Variants in CHFR observed in about 807,000 individuals in gnomAD.
CHFR encodes the protein E3 ubiquitin-protein ligase CHFR.
Under a neutral mutation model 87.6 loss-of-function variants are expected in CHFR, and 57 were observed. That is an observed-to-expected ratio of 0.65 (90% CI 0.53 to 0.81). The LOEUF (loss-of-function observed/expected upper bound fraction) is 0.81. Among genes scored for constraint, CHFR ranks in the 30% least tolerant of loss-of-function variants. CHFR has a pLI of 0.00. For missense variants in CHFR, 797 were observed against 865.8 expected (o/e 0.92, Z 1.00); for synonymous variants, 381 against 359.2 (o/e 1.06, Z -0.69).
chr12:132,847,955 T>A, intron 14 of CHFR, 130 bp downstream of exon 14: 2 of 1,522,426 alleles, frequency 1.3e-6, no homozygotes, highest in Non-Finnish European at 1.8e-6. Flanking sequence ...TGAGGAAACA[T>A]GGCTCCCGGC....
chr12:132,841,979 G>C (rs957019072), intron 17 of CHFR, among the ~76,000 whole-genome samples: 2 of 151,894 alleles, frequency 1.3e-5, no homozygotes, highest in African/African-American at 4.8e-5. Flanking sequence ...ATGTGGTGGC[G>C]AGCACCTGTA....
At chr12:132,855,532 T>C (rs1017132757) in intron 10 of CHFR, among the ~76,000 whole-genome samples, 8 of 151,964 alleles carry the variant, frequency 5.3e-5, no homozygotes, top group African/African-American at 9.7e-5. Context: ...CTGGGTGTGG[T>C]GGCATGCGCC....
At chr12:132,855,731 C>T (rs1022605289) in intron 10 of CHFR, among the ~76,000 whole-genome samples, 3 of 152,096 alleles carry the variant, frequency 2.0e-5, no homozygotes, top group Non-Finnish European at 2.9e-5. Context: ...TTATGACACA[C>T]GTATGAATGG....
At chr12:132,873,345 C>A (rs921987854) in intron 3 of CHFR, among the ~76,000 whole-genome samples, 3 of 152,212 alleles carry the variant, frequency 2.0e-5, no homozygotes, top group African/African-American at 7.2e-5. Context: ...TGAACTGCCA[C>A]AGCCGTCTCC....
chr12:132,835,730 A>G lies in CHFR; in HGVS notation c.*5824T>C. 3.9e-6 allele frequency: 1 copy of G among 254,298 alleles called. No individual in the cohort carries two copies. Among genetic ancestry groups the G allele is most frequent in the Non-Finnish European group, 7.8e-6 (1 of 127,854 alleles). 15.8% of individuals were successfully genotyped at this position (254,298 alleles called of 1,614,324 possible). ...AAGCCGCCTGTTCTGCGGCGTTTTG[A>G]TCCAGCGGCCCAAGTGGACCCACAT... On this transcript the variant is annotated 3_prime_UTR_variant, in exon 18 of 18. Coordinates refer to ENST00000450056, the MANE Select transcript of CHFR (RefSeq NM_001161346.2).
At chr12:132,844,520 G>C (rs1405504953) in intron 15 of CHFR, among the ~76,000 whole-genome samples, 1 of 117,318 alleles carries the variant, frequency 8.5e-6, no homozygotes, top group South Asian at 2.5e-4. Flanking sequence ...TCCTGACCTC[G>C]TGATCCACCC....
chr12:132,854,330 A>G (rs1022760138), intron 10 of CHFR: 3 of 152,222 alleles, frequency 2.0e-5, no homozygotes, highest in Non-Finnish European at 2.9e-5. Context: ...CGGTGTCTGG[A>G]TAACAAACTT....
At chr12:132,881,101 G>A (rs1005692534) in intron 2 of CHFR, among the ~76,000 whole-genome samples, 6 of 151,736 alleles carry the variant, frequency 4.0e-5, no homozygotes, top group African/African-American at 1.2e-4. Flanking sequence ...ACCCCATCTC[G>A]ACTAAAAATA....
chr12:132,843,156 G>A lies in CHFR; in HGVS notation c.1844-73C>T, dbSNP rs1008432933. 3 of 1,366,214 alleles carry A rather than the reference G, an allele frequency of 2.2e-6. No individual in the cohort carries two copies. In the East Asian group the frequency reaches 7.1e-5, roughly 32 times the overall value. The allele number at this position is 1,366,214 out of a possible 1,614,324, so 84.6% of individuals were successfully genotyped here. On this transcript the variant is annotated intron_variant, in intron 16 of 17. Transcript: ENST00000450056. ...CCACTCAGCTACCTGAATCCCAGCAGAGACCCAACGACAGACGCTGCGGTG... is the reference window on the plus strand; with the variant it reads ...CCACTCAGCTACCTGAATCCCAGCAAAGACCCAACGACAGACGCTGCGGTG...
intron 2 of CHFR, among the ~76,000 whole-genome samples, chr12:132,877,995 G>T (rs1490595559): frequency 1.3e-5 from 2 of 151,962 alleles, no homozygotes; most frequent in Admixed American, 6.6e-5. Context: ...GTAGAGACGG[G>T]GTTTCACCAT....
rs1950757365 is a variant in CHFR at position 132,844,073 on chromosome 12, C to T, written c.1797G>A (p.Glu599=). 2 of 1,613,850 alleles carry T rather than the reference C, an allele frequency of 1.2e-6. No individual in the cohort carries two copies. Among genetic ancestry groups the T allele is most frequent in the East Asian group, 2.2e-5 (1 of 44,896 alleles). ...CYCCGLRSFR[E]LTYQYRQNIP... ...TGTTCTGCCGATACTGATAGGTCAG[C>T]TCACGGAAGCTGCGCAGGCCACAGC... Residue 599 remains glutamate (E), a synonymous_variant, in exon 16 of 18, where the codon GAG becomes GAA. Transcript: ENST00000450056.
At chr12:132,861,696 G>T in intron 6 of CHFR, 62 bp from the exon 7 acceptor site, 1 of 1,503,610 alleles carries the variant, frequency 6.7e-7, no homozygotes. Context: ...AACCATGCCT[G>T]TAAGGTGTCA....
chr12:132,884,393 C>T (rs1233009519), intron 2 of CHFR, among the ~76,000 whole-genome samples: 2 of 138,618 alleles, frequency 1.4e-5, no homozygotes, highest in African/African-American at 5.2e-5. Context: ...ACAGCCTGGG[C>T]AATAAGAGCA....
At chr12:132,871,633 G>A (rs776920849) in intron 4 of CHFR, among the ~76,000 whole-genome samples, 1 of 151,832 alleles carries the variant, frequency 6.6e-6, no homozygotes, top group African/African-American at 2.4e-5. Context: ...TGAGCCGGGC[G>A]TGGTGGTGGG....
chr12:132,854,955 T>C (rs578088365), intron 10 of CHFR: 1 of 151,434 alleles, frequency 6.6e-6, no homozygotes, highest in East Asian at 2.0e-4. Flanking sequence ...AAATACAAAA[T>C]TAGCGGCCGG....
In CHFR at chr12:132,847,035, G is replaced by C; in HGVS notation, c.1735+8C>G. The C allele has an allele frequency of 1.2e-6, 2 of 1,606,930 alleles. No homozygotes were observed. Among genetic ancestry groups the C allele is most frequent in the Non-Finnish European group, 1.7e-6 (2 of 1,173,930 alleles). ...CGCCTTAGAGCAGGAGGCAACAGAA[G>C]AACTCACCAGACAGCAGAAACACTC... On this transcript the variant is annotated splice_region_variant and intron_variant, in intron 15 of 17. Coordinates refer to ENST00000450056, the MANE Select transcript of CHFR (RefSeq NM_001161346.2).
At chr12:132,869,874 C>T (rs758453894) in intron 5 of CHFR, 76 bp from the exon 6 acceptor site, 1 of 1,483,520 alleles carries the variant, frequency 6.7e-7, no homozygotes, top group South Asian at 1.2e-5. Flanking sequence ...ACAACCAGGG[C>T]TCAAGCAGAC....
At position 132,861,519 on chromosome 12, in the gene CHFR, CA is replaced by C. The variant is rs766718829; in HGVS notation, c.698del (p.Leu233TrpfsTer12). On this transcript the variant is annotated frameshift_variant, in exon 7 of 18. Transcript: ENST00000450056. LOFTEE classifies it high-confidence loss of function. ...PDRKTASFSS[L>X]EPQDQEDLEP... The stretch of plus-strand genomic sequence containing the variant: ...CCAAATCCTCCTGATCCTGGGGTTC[CA>C]ACGACGAAAAGGACGCAGTCTTTCT... The C allele has an allele frequency of 6.2e-7, 1 of 1,614,202 alleles. No individual in the cohort carries two copies. The highest frequency in any genetic ancestry group is 8.5e-7 in the Non-Finnish European group (1 of 1,180,032).
chr12:132,849,277 C>G (rs1593454284), intron 12 of CHFR: 2 of 152,238 alleles, frequency 1.3e-5, no homozygotes, highest in East Asian at 3.9e-4. Flanking sequence ...TTAAACTGAA[C>G]ATTTACAGGC....
Sources: allele counts gnomAD v4.1 joint callset (sites outside exome capture counted in the v4.1 genomes callset), GRCh38; gene constraint gnomAD v4.1.1; transcripts MANE v1.5; gene names NCBI Gene and HGNC (gene_info 2026-07-23, HGNC 2026-07-21).